MYO3A: variants seen among roughly 807,000 people sequenced by gnomAD.
The protein encoded by MYO3A is myosin IIIA.
A neutral mutation model predicts 192.7 loss-of-function variants in MYO3A; 180 were observed. The ratio of observed to expected loss-of-function variants is 0.93; its 90% CI spans 0.83 to 1.06. The LOEUF (loss-of-function observed/expected upper bound fraction) is 1.06. MYO3A is among the 50% of genes least tolerant of loss of function. The pLI, the probability that MYO3A is intolerant of heterozygous loss-of-function variation, is 0.00. For missense variants in MYO3A, 1,896 were observed against 1,905.0 expected (o/e 1.00, Z 0.09); for synonymous variants, 628 against 645.3 (o/e 0.97, Z 0.41).
At chr10:25,997,823 G>A (rs1009065309) in intron 6 of MYO3A, among the ~76,000 whole-genome samples, 1 of 152,178 alleles carries the variant, frequency 6.6e-6, no homozygotes, top group Admixed American at 6.5e-5. Flanking sequence ...GGAAGAATGG[G>A]GGTGTTTGAT....
chr10:25,947,259 C>T (rs188303616), intron 2 of MYO3A, among the ~76,000 whole-genome samples: 4 of 151,754 alleles, frequency 2.6e-5, no homozygotes, highest in African/African-American at 9.7e-5. Flanking sequence ...TCCAGAATTT[C>T]CATTTGGTTC....
Position 26,145,474 on chromosome 10 carries a change from A to G in MYO3A, c.2445A>G (p.Gln815=), listed in dbSNP as rs1227636603. The G allele has an allele frequency of 3.1e-6, 5 of 1,609,588 alleles. No homozygotes were observed. The highest frequency in any genetic ancestry group is 1.1e-5 in the South Asian group (1 of 90,974). ...AATTTGAAGGTAACCTGAAATCACA[A>G]TACTTCTGGAGACCCAAAAGAATGG... ...VEKFEGNLKS[Q]YFWRPKRMEL... The change falls in exon 22 of 35, where the codon CAA becomes CAG. Residue 815 remains glutamine (Q), a synonymous_variant. Coordinates refer to ENST00000642920, the MANE Select transcript of MYO3A (RefSeq NM_017433.5).
intron 23 of MYO3A, among the ~76,000 whole-genome samples, chr10:26,151,858 CAATGTCCTT>C (rs1044029494): frequency 7.7e-4 from 118 of 152,346 alleles, no homozygotes; most frequent in African/African-American, 2.7e-3. Flanking sequence ...TCTTAGGGAT[CAATGTCCTT>C]ACACTGCTTG....
chr10:26,143,353 G>T, intron 20 of MYO3A, 95 bp from the exon 21 acceptor site: 1 of 1,302,176 alleles, frequency 7.7e-7, no homozygotes, highest in South Asian at 1.3e-5. Context: ...GTCAAAGGGA[G>T]CAATTTATTT....
chr10:26,070,340 G>C lies in MYO3A; in HGVS notation c.1298G>C (p.Ser433Thr). ...SDQCIVISGE[S>T]GAGKTENAHL... The stretch of plus-strand genomic sequence containing the variant: ...TAGTGCATTGTTATTTCTGGAGAAA[G>C]TGGTGCTGGAAAGACTGAAAATGCT... The change falls in exon 14 of 35, where the codon AGT becomes ACT. Residue 433 changes from serine (S) to threonine (T), a missense_variant. By Grantham distance (58) the Ser-to-Thr change is moderately conservative. Transcript: ENST00000642920. 1 of 1,613,316 alleles carries C rather than the reference G, an allele frequency of 6.2e-7. No homozygotes were observed. Among genetic ancestry groups the C allele is most frequent in the Non-Finnish European group, 8.5e-7 (1 of 1,179,476 alleles).
At chr10:25,985,660 T>C (rs1013114947) in intron 4 of MYO3A, among the ~76,000 whole-genome samples, 1 of 151,926 alleles carries the variant, frequency 6.6e-6, no homozygotes, top group African/African-American at 2.4e-5. Flanking sequence ...ATAGAATCTC[T>C]GAACAGACCA....
At chr10:26,111,417 T>A (rs1838169903) in intron 17 of MYO3A, among the ~76,000 whole-genome samples, 1 of 152,202 alleles carries the variant, frequency 6.6e-6, no homozygotes, top group Non-Finnish European at 1.5e-5. Context: ...AGTGTTTTGC[T>A]CTTGTTAGTC....
intron 20 of MYO3A, among the ~76,000 whole-genome samples, chr10:26,141,605 A>G (rs2368157): frequency 0.4 from 60,542 of 152,012 alleles, 12,350 homozygotes; most frequent in Middle Eastern, 0.52. Flanking sequence ...TAAAACAGAC[A>G]AAAGTTGTTT....
chr10:25,976,341 A>G (rs1838963282), intron 4 of MYO3A, among the ~76,000 whole-genome samples: 1 of 152,206 alleles, frequency 6.6e-6, no homozygotes, highest in Non-Finnish European at 1.5e-5. Context: ...ATATTAGAAA[A>G]TCACAGTTTC....
At chr10:25,978,703 C>T (rs984828377) in intron 4 of MYO3A, among the ~76,000 whole-genome samples, 12 of 151,970 alleles carry the variant, frequency 7.9e-5, no homozygotes, top group Non-Finnish European at 1.2e-4. Context: ...ATTATAGATC[C>T]TATGTAGGAA....
In MYO3A at chr10:26,173,908, A is replaced by C. The variant is rs1350875373; in HGVS notation, c.3644A>C (p.Gln1215Pro). The C allele has an allele frequency of 6.2e-7, 1 of 1,613,732 alleles. No homozygotes were observed. The highest frequency in any genetic ancestry group is 8.5e-7 in the Non-Finnish European group (1 of 1,179,960). The change falls in exon 30 of 35, where the codon CAG becomes CCG. Residue 1215 changes from glutamine (Q) to proline (P), a missense_variant. Physicochemically the swap from Gln to Pro is moderately conservative, Grantham distance 76. Transcript: ENST00000642920. ...YLVGPEVSPK[Q>P]KSVKDLEENS... is the part of the protein sequence containing the mutation. ...GTAGGGCCAGAAGTAAGCCCCAAAC[A>C]GAAGTCTGTCAAAGACCTGGAAGAG...
chr10:25,956,309 C>G (rs986906642), intron 4 of MYO3A, among the ~76,000 whole-genome samples: 1 of 151,134 alleles, frequency 6.6e-6, no homozygotes, highest in African/African-American at 2.4e-5. Flanking sequence ...TATATTAAGA[C>G]TTTATATTCA....
At chr10:26,092,363 G>A (rs1836752737) in intron 15 of MYO3A, among the ~76,000 whole-genome samples, 1 of 152,100 alleles carries the variant, frequency 6.6e-6, no homozygotes, top group Admixed American at 6.6e-5. Context: ...CTACTCAGGA[G>A]GCTGAGGCAG....
chr10:26,020,982 T>C (rs1429177180), intron 7 of MYO3A, among the ~76,000 whole-genome samples: 6 of 152,220 alleles, frequency 3.9e-5, no homozygotes, highest in African/African-American at 1.4e-4. Context: ...TTAAACCTTT[T>C]GCATTCCTCC....
chr10:26,062,046 G>C (rs1834516841), intron 10 of MYO3A, among the ~76,000 whole-genome samples: 1 of 43,884 alleles, frequency 2.3e-5, no homozygotes, highest in South Asian at 7.8e-4. Flanking sequence ...CAGACGTTGT[G>C]GGGGGATATA....
chr10:26,154,184 T>C (rs1840966952), intron 24 of MYO3A, among the ~76,000 whole-genome samples: 1 of 152,138 alleles, frequency 6.6e-6, no homozygotes, highest in Non-Finnish European at 1.5e-5. Context: ...TGTTTTTGTT[T>C]GTTTGTTTGT....
chr10:26,111,512 A>G (rs554609567), intron 17 of MYO3A, among the ~76,000 whole-genome samples: 2 of 152,140 alleles, frequency 1.3e-5, no homozygotes, highest in African/African-American at 2.4e-5. Context: ...GCCAACATTC[A>G]GTTTCAAATC....
At chr10:26,041,295 G>T (rs1226990249) in intron 10 of MYO3A, among the ~76,000 whole-genome samples, 2 of 151,930 alleles carry the variant, frequency 1.3e-5, no homozygotes, top group African/African-American at 4.8e-5. Context: ...TAGATGAAGT[G>T]TGTTTCTTGT....
chr10:26,122,429 ATGG>A (rs1838928922), intron 18 of MYO3A, among the ~76,000 whole-genome samples: 1 of 152,200 alleles, frequency 6.6e-6, no homozygotes, highest in African/African-American at 2.4e-5. Context: ...GCATTTCCAT[ATGG>A]TTTTACAAGA....
Sources: allele counts gnomAD v4.1 joint callset (sites outside exome capture counted in the v4.1 genomes callset), GRCh38; gene constraint gnomAD v4.1.1; transcripts MANE v1.5; gene names NCBI Gene and HGNC (gene_info 2026-07-23, HGNC 2026-07-21).